ZNF608: variants seen among roughly 807,000 people sequenced by gnomAD.
The protein encoded by ZNF608 is renal carcinoma antigen NY-REN-36.
In ZNF608, 12 loss-of-function variants were observed where a neutral mutation model predicts 109.0. The ratio of observed to expected loss-of-function variants is 0.11; its 90% confidence interval spans 0.07 to 0.18. ZNF608 has a LOEUF of 0.18. ZNF608 is among the 10% of genes least tolerant of loss of function. The pLI is 1.00. For missense variants in ZNF608, 1,707 were observed against 1,879.3 expected (o/e 0.91, Z 1.70); for synonymous variants, 732 against 717.4 (o/e 1.02, Z -0.33).
chr5:124,715,926 G>C (rs1045493769), intron 2 of ZNF608, among the ~76,000 whole-genome samples: 2 of 151,816 alleles, frequency 1.3e-5, no homozygotes, highest in Non-Finnish European at 2.9e-5. Flanking sequence ...GGCGGATCAC[G>C]AGGTCAGGAG....
intron 2 of ZNF608, among the ~76,000 whole-genome samples, chr5:124,712,303 A>G (rs1162475750): frequency 6.6e-6 from 1 of 152,184 alleles, no homozygotes; most frequent in Admixed American, 6.5e-5. Context: ...TGACAGTGTC[A>G]TGGCCTGGGA....
intron 2 of ZNF608, among the ~76,000 whole-genome samples, chr5:124,741,217 A>G (rs574412189): frequency 1.3e-5 from 2 of 152,298 alleles, no homozygotes; most frequent in South Asian, 4.1e-4. Flanking sequence ...CACATAAAGG[A>G]GTAGAACACT....
chr5:124,654,536 CAA>C (rs1750927171), intron 3 of ZNF608, among the ~76,000 whole-genome samples: 1 of 152,202 alleles, frequency 6.6e-6, no homozygotes, highest in African/African-American at 2.4e-5. Context: ...GGCACACTGC[CAA>C]AAGACAGCCA....
chr5:124,680,039 G>T (rs1752129408), intron 3 of ZNF608, among the ~76,000 whole-genome samples: 1 of 152,114 alleles, frequency 6.6e-6, no homozygotes, highest in African/African-American at 2.4e-5. Context: ...ATAAGGGAGG[G>T]AGGTAGGGCT....
chr5:124,746,821 A>C, upstream of ZNF608: 1 of 958,850 alleles, frequency 1.0e-6, no homozygotes, highest in Non-Finnish European at 1.2e-6. Context: ...TAGAGGGAGG[A>C]GGAGGAGAAG....
chr5:124,710,574 G>A (rs1753450172), intron 2 of ZNF608: 1 of 167,576 alleles, frequency 6.0e-6, no homozygotes, highest in African/African-American at 2.4e-5. Context: ...CACTATCTTG[G>A]TACCACTCAC....
At chr5:124,743,149 T>C (rs891138161) in intron 2 of ZNF608, among the ~76,000 whole-genome samples, 2 of 152,214 alleles carry the variant, frequency 1.3e-5, no homozygotes, top group Admixed American at 6.5e-5. Flanking sequence ...TGTCTAACTA[T>C]AGACTTGTAC....
intron 3 of ZNF608, among the ~76,000 whole-genome samples, chr5:124,655,316 T>C (rs1473746659): frequency 6.6e-6 from 1 of 152,224 alleles, no homozygotes; most frequent in East Asian, 1.9e-4. Context: ...ATTGACATAA[T>C]TCTGTTTGTA....
rs1346678482 is a variant in ZNF608 at position 124,663,345 on chromosome 5, C to T, written c.1163-13648G>A. The stretch of plus-strand genomic sequence containing the variant: ...GCGAGTGGTGTGGCCGTAGAAGGTA[C>T]ACACCAGAGCGTCCAGGTCTGTTGC... On this transcript the variant is annotated intron_variant, in intron 3 of 9. Coordinates refer to ENST00000513986, the MANE Select transcript of ZNF608 (RefSeq NM_020747.3). Among the ~76,000 whole-genome samples the T allele has an allele frequency of 3.3e-5, 5 of 152,180 alleles. No individual in the cohort carries two copies. The East Asian group carries it at 9.6e-4, about 29-fold the overall frequency.
chr5:124,707,186 G>A (rs1368190153), intron 2 of ZNF608, among the ~76,000 whole-genome samples: 1 of 152,162 alleles, frequency 6.6e-6, no homozygotes, highest in South Asian at 2.1e-4. Flanking sequence ...CCAGGAAACC[G>A]ACAGCCAGTG....
chr5:124,728,883 C>T (rs1748751323), intron 2 of ZNF608, among the ~76,000 whole-genome samples: 1 of 152,070 alleles, frequency 6.6e-6, no homozygotes, highest in Admixed American at 6.5e-5. Flanking sequence ...TTTCCTAAAC[C>T]CCATGACACA....
At chr5:124,652,809 TGCC>T (rs1750849669) in intron 3 of ZNF608, among the ~76,000 whole-genome samples, 1 of 152,248 alleles carries the variant, frequency 6.6e-6, no homozygotes, top group Admixed American at 6.5e-5. Context: ...AAGGCATAAA[TGCC>T]CATGATGAAA....
intron 3 of ZNF608, among the ~76,000 whole-genome samples, chr5:124,676,657 G>T (rs533643152): frequency 1.3e-5 from 2 of 152,146 alleles, no homozygotes; most frequent in Non-Finnish European, 2.9e-5. Context: ...GAAAGTGTGT[G>T]AAATAGTAAA....
chr5:124,672,434 T>G (rs923049784), intron 3 of ZNF608, among the ~76,000 whole-genome samples: 2 of 152,220 alleles, frequency 1.3e-5, no homozygotes, highest in African/African-American at 4.8e-5. Flanking sequence ...TGCCCTCAAT[T>G]ACCTCAGTAA....
At chr5:124,676,523 A>G (rs550932000) in intron 3 of ZNF608, among the ~76,000 whole-genome samples, 6 of 152,222 alleles carry the variant, frequency 3.9e-5, no homozygotes, top group Non-Finnish European at 7.3e-5. Context: ...AAGTCATTTT[A>G]TAATCTATAA....
intron 2 of ZNF608, among the ~76,000 whole-genome samples, chr5:124,734,374 A>C (rs1214476936): frequency 1.3e-5 from 2 of 152,218 alleles, no homozygotes; most frequent in African/African-American, 2.4e-5. Context: ...TCTAATATTT[A>C]CATATAATCA....
intron 3 of ZNF608, among the ~76,000 whole-genome samples, chr5:124,668,396 GAA>G (rs979502525): frequency 2.1e-5 from 3 of 144,244 alleles, no homozygotes; most frequent in African/African-American, 7.6e-5. Context: ...ACACCACACA[GAA>G]AAAAAAAAAT....
At chr5:124,653,918 TGTGTGC>T (rs1205992629) in intron 3 of ZNF608, among the ~76,000 whole-genome samples, 7 of 152,110 alleles carry the variant, frequency 4.6e-5, no homozygotes, top group African/African-American at 1.2e-4. Flanking sequence ...CTCAGGACTT[TGTGTGC>T]GTGTGTGTGT....
At chr5:124,655,355 T>A (rs891924856) in intron 3 of ZNF608, among the ~76,000 whole-genome samples, 2 of 152,234 alleles carry the variant, frequency 1.3e-5, no homozygotes, top group African/African-American at 2.4e-5. Context: ...TCAGAGTCTT[T>A]AAAGTGCCTC....
Sources: allele counts gnomAD v4.1 joint callset (sites outside exome capture counted in the v4.1 genomes callset), GRCh38; gene constraint gnomAD v4.1.1; transcripts MANE v1.5; gene names NCBI Gene and HGNC (gene_info 2026-07-23, HGNC 2026-07-21).